The following ZNF346 variants were observed in gnomAD, a reference collection of about 807,000 sequenced individuals.
The protein encoded by ZNF346 is double-stranded RNA-binding zinc finger protein JAZ.
Under a neutral mutation model 33.7 loss-of-function variants are expected in ZNF346, and 23 were observed. The ratio of observed to expected loss-of-function variants is 0.68; its 90% CI spans 0.49 to 0.97. The LOEUF (loss-of-function observed/expected upper bound fraction) is 0.97, where lower values mean the gene tolerates loss of function less well. Ranked by LOEUF, ZNF346 falls within the 50% of genes least tolerant of loss-of-function variation. The probability of loss-of-function intolerance (pLI) is 0.00; values close to 1 mark genes in which losing one functional copy is unlikely to be tolerated. For synonymous variants in ZNF346, 134 were observed against 142.4 expected (o/e 0.94, Z 0.42); for missense variants, 340 against 371.1 (o/e 0.92, Z 0.69).
chr5:177,023,161 G>A (rs1399701496), intron 1 of ZNF346: 3 of 1,533,724 alleles, frequency 2.0e-6, no homozygotes, highest in Non-Finnish European at 2.6e-6. Flanking sequence ...TCACTACAGC[G>A]CAGTTTTTCC....
chr5:177,025,533 C>T (rs181703897), intron 1 of ZNF346, among the ~76,000 whole-genome samples: 7 of 152,280 alleles, frequency 4.6e-5, no homozygotes, highest in Middle Eastern at 3.4e-3. Context: ...ATGAGGGTTT[C>T]GCTTTTTCTA....
chr5:177,053,669 G>A (rs1010184222), intron 5 of ZNF346, among the ~76,000 whole-genome samples: 1 of 152,106 alleles, frequency 6.6e-6, no homozygotes, highest in African/African-American at 2.4e-5. Context: ...TCTTACATGT[G>A]TTCTTGTTTG....
intron 1 of ZNF346, among the ~76,000 whole-genome samples, chr5:177,035,426 G>T (rs949201747): frequency 1.7e-4 from 26 of 152,150 alleles, no homozygotes; most frequent in Admixed American, 7.9e-4. Flanking sequence ...TGGCAAAAAG[G>T]ATGTGTAGTC....
intron 6 of ZNF346, 103 bp downstream of exon 6, chr5:177,062,254 GT>G: frequency 2.2e-6 from 2 of 922,376 alleles, no homozygotes; most frequent in Non-Finnish European, 1.7e-6. Context: ...AATCCTGGCA[GT>G]CTTTTTTCAG....
chr5:177,063,375 G>A (rs930186462), intron 6 of ZNF346, among the ~76,000 whole-genome samples: 1 of 152,214 alleles, frequency 6.6e-6, no homozygotes, highest in Non-Finnish European at 1.5e-5. Flanking sequence ...TGTAAAAAAT[G>A]TCCTTAGTTC....
At position 177,044,427 on chromosome 5, in the gene ZNF346, C is replaced by G; in HGVS notation, c.411C>G (p.Pro137=). 1 of 1,614,132 alleles carries G rather than the reference C, an allele frequency of 6.2e-7. No homozygotes were observed. The highest frequency in any genetic ancestry group is 8.5e-7 in the Non-Finnish European group (1 of 1,180,042). The change falls in exon 4 of 7, where the codon CCC becomes CCG. Residue 137 remains proline (P), a synonymous_variant. Transcript: ENST00000358149. ...SRSKDKNQCC[P]ICNMTFSSPV... is the part of the protein sequence containing the mutation. ...GCAAAGACAAGAACCAGTGCTGCCC[C>G]ATCTGTAACATGACCTTTTCCTCCC...
chr5:177,042,647 A>C (rs894447696), intron 3 of ZNF346, among the ~76,000 whole-genome samples: 4 of 152,108 alleles, frequency 2.6e-5, no homozygotes, highest in African/African-American at 9.7e-5. Context: ...GTCCTTGTTT[A>C]TCTCTTCTCA....
Position 177,044,537 on chromosome 5 carries a change from C to G in ZNF346, c.517+4C>G. ...CAGCAGTCCACTAAGGTGGAAGGTACTGGTTTTCCTGAGTAGTGCTATAGT... is the reference window on the plus strand; with the variant it reads ...CAGCAGTCCACTAAGGTGGAAGGTAGTGGTTTTCCTGAGTAGTGCTATAGT... On this transcript the variant is annotated splice_donor_region_variant and intron_variant, in intron 4 of 6. Transcript: ENST00000358149. 4 of 1,613,394 alleles carry G rather than the reference C, an allele frequency of 2.5e-6. No individual in the cohort carries two copies. Among genetic ancestry groups the G allele is most frequent in the Non-Finnish European group, 3.4e-6 (4 of 1,179,918 alleles).
At chr5:177,069,915 G>A (rs1224303372), downstream of ZNF346, among the ~76,000 whole-genome samples, 7 of 152,202 alleles carry the variant, frequency 4.6e-5, no homozygotes, top group Non-Finnish European at 2.9e-5. Flanking sequence ...ACCCACCTTA[G>A]CCTCCCAAAG....
chr5:177,075,082 A>AT (rs953427746), intron 8 of ZNF346, among the ~76,000 whole-genome samples: 1 of 150,304 alleles, frequency 6.7e-6, no homozygotes, highest in African/African-American at 2.5e-5. Context: ...AAAAAAAAGA[A>AT]TTTTTTTTAA....
chr5:177,062,333 G>T (rs966232892), intron 6 of ZNF346, among the ~76,000 whole-genome samples, 182 bp downstream of exon 6: 4 of 152,126 alleles, frequency 2.6e-5, no homozygotes, highest in African/African-American at 7.2e-5. Context: ...ACCAGCTTCT[G>T]CCCAGCCTTT....
At chr5:177,044,727 C>G (rs1384184062) in intron 4 of ZNF346, among the ~76,000 whole-genome samples, 194 bp downstream of exon 4, 1 of 152,182 alleles carries the variant, frequency 6.6e-6, no homozygotes, top group Non-Finnish European at 1.5e-5. Flanking sequence ...CCTAACCTCC[C>G]TTTCTTTGGT....
chr5:177,033,137 G>A (rs536671767), intron 1 of ZNF346, among the ~76,000 whole-genome samples: 9 of 152,230 alleles, frequency 5.9e-5, no homozygotes, highest in Admixed American at 5.9e-4. Context: ...GTGCAGTGGC[G>A]CAATTATGGC....
chr5:177,071,497 T>C (rs904869438), downstream of ZNF346, among the ~76,000 whole-genome samples: 1 of 151,832 alleles, frequency 6.6e-6, no homozygotes, highest in Non-Finnish European at 1.5e-5. Flanking sequence ...CCATCCTGGC[T>C]AACACGGTGA....
intron 5 of ZNF346, among the ~76,000 whole-genome samples, chr5:177,058,703 T>G (rs1782088990): frequency 6.6e-6 from 1 of 152,200 alleles, no homozygotes; most frequent in Non-Finnish European, 1.5e-5. Context: ...TCTTTAGCTC[T>G]GTGTGGCTCC....
At chr5:177,057,877 A>G (rs1478883996) in intron 5 of ZNF346, among the ~76,000 whole-genome samples, 1 of 150,886 alleles carries the variant, frequency 6.6e-6, no homozygotes, top group African/African-American at 2.4e-5. Flanking sequence ...GCTGGAGTGC[A>G]ATGGCGCAAT....
Position 177,058,595 on chromosome 5 carries a change from CCACTT to C in ZNF346, c.704-3459_704-3455del, listed in dbSNP as rs559540555. On this transcript the variant is annotated intron_variant, in intron 5 of 6. Transcript: ENST00000358149. Reference sequence around the variant, plus strand: ...TTCCTATAAATAGATATGATTTTGACCACTTCACAAATAAAGAAGTTGAGACCCAC... The same window carrying C: ...TTCCTATAAATAGATATGATTTTGACCACAAATAAAGAAGTTGAGACCCAC... Among the ~76,000 whole-genome samples, 5 of 152,284 alleles carry C rather than the reference CCACTT, an allele frequency of 3.3e-5. No homozygotes were observed. In the South Asian group the frequency reaches 8.3e-4, roughly 25 times the overall value.
intron 1 of ZNF346, chr5:177,023,367 A>ACC: frequency 1.4e-6 from 1 of 693,736 alleles, no homozygotes; most frequent in Non-Finnish European, 2.5e-6. Flanking sequence ...CCTTCTCCTT[A>ACC]CCCCCTGGGT....
rs1783675580 is a variant in ZNF346, at chr5:177,074,974, G to A, written c.*3-4408G>A. Among the ~76,000 whole-genome samples, 3 of 152,032 alleles carry A rather than the reference G, an allele frequency of 2.0e-5. No homozygotes were observed. The South Asian group carries it at 6.2e-4, about 32-fold the overall frequency. On this transcript the variant is annotated intron_variant, in intron 8 of 8. Coordinates refer to the ZNF346 transcript ENST00000503039. ...CCAGCTACTCGGGAGGCTGAGGCAGGTGAATGGCATGAACCCAGGAGGCGA... is the reference window on the plus strand; with the variant it reads ...CCAGCTACTCGGGAGGCTGAGGCAGATGAATGGCATGAACCCAGGAGGCGA...
Sources: allele counts gnomAD v4.1 joint callset (sites outside exome capture counted in the v4.1 genomes callset), GRCh38; gene constraint gnomAD v4.1.1; transcripts MANE v1.5; gene names NCBI Gene and HGNC (gene_info 2026-07-23, HGNC 2026-07-21).